SEMA3E: variants seen among roughly 807,000 people sequenced by gnomAD.
The protein encoded by SEMA3E is semaphorin 3E, also known as semaphorin-3E.
In SEMA3E, 49 loss-of-function variants were observed where a neutral mutation model predicts 93.6. The ratio of observed to expected loss-of-function variants is 0.52; its 90% CI spans 0.42 to 0.66. SEMA3E has a LOEUF of 0.66. SEMA3E is among the 30% of genes least tolerant of loss of function. The probability of loss-of-function intolerance (pLI) is 0.00; values close to 1 mark genes in which losing one functional copy is unlikely to be tolerated. For missense variants in SEMA3E, 906 were observed against 964.8 expected, an observed-to-expected ratio of 0.94 and a Z score of 0.81; for synonymous variants, 363 against 330.7, an observed-to-expected ratio of 1.10 and a Z score of -1.06.
At chr7:83,374,099 G>A (rs1335676317) in intron 16 of SEMA3E, among the ~76,000 whole-genome samples, 4 of 151,416 alleles carry the variant, frequency 2.6e-5, no homozygotes, top group African/African-American at 9.7e-5. Context: ...CCAGCTACTC[G>A]GGAGGCTGAG....
chr7:83,609,163 G>A (rs1156266973), intron 1 of SEMA3E, among the ~76,000 whole-genome samples: 1 of 151,902 alleles, frequency 6.6e-6, no homozygotes, highest in Non-Finnish European at 1.5e-5. Context: ...GCATAACCAT[G>A]AAGTTCAAAA....
chr7:83,416,872 C>T (rs975198265), intron 5 of SEMA3E, among the ~76,000 whole-genome samples: 2 of 151,600 alleles, frequency 1.3e-5, no homozygotes, highest in Non-Finnish European at 2.9e-5. Flanking sequence ...ATTTATGGAC[C>T]TGGCATCCCC....
chr7:83,396,808 G>T (rs1788132403), intron 11 of SEMA3E, 79 bp from the exon 12 acceptor site: 1 of 928,446 alleles, frequency 1.1e-6, no homozygotes, highest in Non-Finnish European at 1.7e-6. Context: ...AGCTGGCTGG[G>T]TGCAGTAGCT....
intron 1 of SEMA3E, among the ~76,000 whole-genome samples, chr7:83,542,882 T>G: frequency 6.6e-6 from 1 of 152,262 alleles, no homozygotes; most frequent in African/African-American, 2.4e-5. Flanking sequence ...TTTTAACACA[T>G]CTTAAAGTTA....
intron 1 of SEMA3E, among the ~76,000 whole-genome samples, chr7:83,588,512 T>C (rs1262532212): frequency 6.6e-6 from 1 of 152,020 alleles, no homozygotes; most frequent in East Asian, 1.9e-4. Flanking sequence ...AAAGAGGGAA[T>C]ACCCAGTTAA....
chr7:83,421,283 C>T (rs979926354), intron 4 of SEMA3E, among the ~76,000 whole-genome samples: 5 of 141,240 alleles, frequency 3.5e-5, no homozygotes, highest in Admixed American at 7.0e-5. Context: ...CAACAAATGC[C>T]ATATTATGTA....
chr7:83,624,006 A>G (rs112705994), intron 1 of SEMA3E, among the ~76,000 whole-genome samples: 34,038 of 151,756 alleles, frequency 0.22, 4,006 homozygotes, highest in East Asian at 0.37. Flanking sequence ...TAGTTTGCTG[A>G]GAATGATAGT....
intron 16 of SEMA3E, among the ~76,000 whole-genome samples, chr7:83,384,275 A>G (rs1030647761): frequency 1.3e-5 from 2 of 152,088 alleles, no homozygotes; most frequent in African/African-American, 4.8e-5. Flanking sequence ...GTAATTTTGT[A>G]TTCCAATGAC....
intron 1 of SEMA3E, among the ~76,000 whole-genome samples, chr7:83,498,324 TC>T (rs1175461646): frequency 2.0e-5 from 3 of 152,164 alleles, no homozygotes; most frequent in Admixed American, 2.0e-4. Context: ...ATATTGAACA[TC>T]CACTGTGTTA....
intron 4 of SEMA3E, chr7:83,425,059 G>T: frequency 6.0e-6 from 1 of 165,460 alleles, no homozygotes; most frequent in East Asian, 1.5e-4. Context: ...TTGGTAATAC[G>T]GATCAGTGCT....
At chr7:83,462,486 T>C (rs1258289603) in intron 4 of SEMA3E, among the ~76,000 whole-genome samples, 3 of 152,110 alleles carry the variant, frequency 2.0e-5, no homozygotes, top group African/African-American at 7.2e-5. Context: ...CCACACCTCA[T>C]TGCTGCCTTT....
At chr7:83,416,054 A>AT (rs1788532528) in intron 5 of SEMA3E, among the ~76,000 whole-genome samples, 1 of 151,872 alleles carries the variant, frequency 6.6e-6, no homozygotes, top group Admixed American at 6.6e-5. Flanking sequence ...TGGGTGAATT[A>AT]TTTTCACTTC....
At chr7:83,450,822 A>G (rs1789344707) in intron 4 of SEMA3E, among the ~76,000 whole-genome samples, 1 of 152,210 alleles carries the variant, frequency 6.6e-6, no homozygotes, top group Admixed American at 6.5e-5. Flanking sequence ...AGACCAGAAA[A>G]GTAAAAACAA....
chr7:83,648,364 T>C, intron 1 of SEMA3E, 64 bp downstream of exon 1: 1 of 1,283,976 alleles, frequency 7.8e-7, no homozygotes, highest in East Asian at 2.4e-5. Context: ...AAACGACTTT[T>C]TTTTTCTTTT....
chr7:83,469,221 A>G, intron 3 of SEMA3E, 22 bp downstream of exon 3: 1 of 1,574,574 alleles, frequency 6.4e-7, no homozygotes, highest in South Asian at 1.1e-5. Flanking sequence ...GATTTGTTTA[A>G]TTTACAATGA....
At chr7:83,571,471 C>T (rs1383447909) in intron 1 of SEMA3E, among the ~76,000 whole-genome samples, 1 of 152,108 alleles carries the variant, frequency 6.6e-6, no homozygotes, top group African/African-American at 2.4e-5. Context: ...GGTAACAAAA[C>T]CATATGATCA....
At position 83,367,961 on chromosome 7, in the gene SEMA3E, G is replaced by A. The variant is rs1227791868; in HGVS notation, c.1953C>T (p.Thr651=). Residue 651 remains threonine, a synonymous_variant, in exon 17 of 17, where the codon ACC becomes ACT. Coordinates refer to ENST00000643230, the MANE Select transcript of SEMA3E (RefSeq NM_012431.3). ...TATGCTCTACTGTCTGGCAAAAATA[G>A]GTCCCAGCATCTGATTTGTGTAACC... The part of the protein sequence containing the change: ...FLRLHKSDAG[T]YFCQTVEHSF... 6.2e-7 allele frequency: 1 copy of A among 1,613,570 alleles called. No individual in the cohort carries two copies. The highest frequency in any genetic ancestry group is 1.7e-5 in the Admixed American group (1 of 59,930).
intron 1 of SEMA3E, among the ~76,000 whole-genome samples, chr7:83,648,006 G>A (rs1329435149): frequency 6.6e-6 from 1 of 152,064 alleles, no homozygotes; most frequent in Non-Finnish European, 1.5e-5. Context: ...AGAACAAATT[G>A]CACCCCTATT....
rs1255974145 is a variant in SEMA3E, at chr7:83,593,282, C to CTGTG, written c.115+55145_115+55146insCACA. On this transcript the variant is annotated intron_variant, in intron 1 of 16. Coordinates refer to ENST00000643230, the MANE Select transcript of SEMA3E (RefSeq NM_012431.3). ...TCTGTCTCTCTCTCTCTCTCTCTCT[C>CTGTG]TCTGTGTGTGTGTGTGTGTGTGTGT... Among the ~76,000 whole-genome samples the CTGTG allele has an allele frequency of 1.2e-4, 13 of 107,432 alleles. No individual in the cohort carries two copies. The East Asian group carries it at 3.2e-3, about 27-fold the overall frequency. 70.5% of individuals were successfully genotyped at this position (107,432 alleles called of 152,430 possible).
Sources: allele counts gnomAD v4.1 joint callset (sites outside exome capture counted in the v4.1 genomes callset), GRCh38; gene constraint gnomAD v4.1.1; transcripts MANE v1.5; gene names NCBI Gene and HGNC (gene_info 2026-07-23, HGNC 2026-07-21).